Variants in BRINP2 observed in about 807,000 individuals in gnomAD.
The protein encoded by BRINP2 is BMP/retinoic acid inducible neural specific 2, also known as BMP/retinoic acid-inducible neural-specific protein 2.
In BRINP2, 21 loss-of-function variants were observed where a neutral mutation model predicts 69.2. The observed-to-expected ratio is 0.30, with a 90% CI of 0.22 to 0.44. The LOEUF is 0.44. BRINP2 is among the 20% of genes least tolerant of loss of function. The probability of loss-of-function intolerance (pLI) is 1.00; values close to 1 mark genes in which losing one functional copy is unlikely to be tolerated. For synonymous variants in BRINP2, 380 were observed against 394.1 expected (o/e 0.96, Z 0.42); for missense variants, 877 against 986.0 (o/e 0.89, Z 1.48).
At chr1:177,200,791 CA>C (rs1452809021) in intron 1 of BRINP2, among the ~76,000 whole-genome samples, 1 of 151,992 alleles carries the variant, frequency 6.6e-6, no homozygotes, top group Admixed American at 6.6e-5. Context: ...ACCTACCCAC[CA>C]GAAAGTAAGC....
At chr1:177,193,166 G>C (rs1648641837) in intron 1 of BRINP2, among the ~76,000 whole-genome samples, 2 of 152,166 alleles carry the variant, frequency 1.3e-5, no homozygotes, top group Admixed American at 6.5e-5. Flanking sequence ...CTTTCTATCT[G>C]TTTTAATGAT....
intron 1 of BRINP2, among the ~76,000 whole-genome samples, chr1:177,214,892 T>C (rs1649331905): frequency 6.6e-6 from 1 of 152,226 alleles, no homozygotes; most frequent in South Asian, 2.1e-4. Flanking sequence ...ACCTCAAATA[T>C]TTGACATTTT....
At chr1:177,197,627 T>C (rs979166672) in intron 1 of BRINP2, among the ~76,000 whole-genome samples, 4 of 152,106 alleles carry the variant, frequency 2.6e-5, no homozygotes, top group Admixed American at 2.0e-4. Flanking sequence ...CCTCTACAAC[T>C]GTGAGAAAAT....
chr1:177,214,444 G>A (rs1423391620), intron 1 of BRINP2, among the ~76,000 whole-genome samples: 1 of 152,098 alleles, frequency 6.6e-6, no homozygotes, highest in African/African-American at 2.4e-5. Context: ...GAAAAAAAAA[G>A]TTAAAGAGGA....
intron 2 of BRINP2, among the ~76,000 whole-genome samples, chr1:177,230,912 C>T (rs552782444): frequency 1.1e-4 from 16 of 152,216 alleles, no homozygotes; most frequent in African/African-American, 3.4e-4. Context: ...TTTCCCCTTA[C>T]TTGTATCTTT....
At chr1:177,257,043 G>T (rs918924254) in intron 3 of BRINP2, 133 bp from the exon 4 acceptor site, 4 of 1,551,678 alleles carry the variant, frequency 2.6e-6, no homozygotes, top group East Asian at 2.4e-5. Context: ...GGTAAGGGCT[G>T]GGGGAAGAGC....
intron 4 of BRINP2, among the ~76,000 whole-genome samples, chr1:177,265,815 C>T (rs1651099024): frequency 6.6e-6 from 1 of 151,990 alleles, no homozygotes; most frequent in Non-Finnish European, 1.5e-5. Flanking sequence ...TGAAGTTTTC[C>T]ATGAGGTTTA....
chr1:177,175,910 C>T (rs753302765), intron 1 of BRINP2, among the ~76,000 whole-genome samples: 1 of 152,144 alleles, frequency 6.6e-6, no homozygotes, highest in Non-Finnish European at 1.5e-5. Context: ...GAGATCTGGG[C>T]CCAAGGGCAT....
At chr1:177,211,397 A>T (rs761236107) in intron 1 of BRINP2, among the ~76,000 whole-genome samples, 7 of 152,202 alleles carry the variant, frequency 4.6e-5, no homozygotes, top group African/African-American at 7.2e-5. Context: ...ACCCAGTAAC[A>T]GCCTGTATGA....
chr1:177,238,820 T>C (rs1313061703), intron 2 of BRINP2, among the ~76,000 whole-genome samples: 1 of 152,272 alleles, frequency 6.6e-6, no homozygotes, highest in African/African-American at 2.4e-5. Flanking sequence ...CATTAATGAA[T>C]ACTAGTAGCT....
chr1:177,176,186 T>A (rs921910770), intron 1 of BRINP2, among the ~76,000 whole-genome samples: 1 of 152,122 alleles, frequency 6.6e-6, no homozygotes, highest in East Asian at 1.9e-4. Flanking sequence ...GAATTCTGGA[T>A]TGGGCAAAGG....
intron 2 of BRINP2, among the ~76,000 whole-genome samples, chr1:177,239,409 C>T (rs1024065320): frequency 2.0e-5 from 3 of 152,208 alleles, no homozygotes; most frequent in African/African-American, 7.2e-5. Context: ...AAATCGAATC[C>T]TCTCCTGGAG....
chr1:177,256,093 T>A lies in BRINP2; in HGVS notation c.444T>A (p.Leu148=), dbSNP rs763335458. Residue 148 remains leucine, a synonymous_variant, in exon 3 of 8, where the codon CTT becomes CTA. Transcript: ENST00000361539. Reference sequence around the variant, plus strand: ...AAAAGTACGGCACTCATTTCTTACTTTCTGCCACCCTTGGAGGTAAGCAAC... The same window carrying A: ...AAAAGTACGGCACTCATTTCTTACTATCTGCCACCCTTGGAGGTAAGCAAC... The part of the protein sequence containing the change: ...LIKKYGTHFL[L]SATLGGEESL... 5.0e-6 allele frequency: 8 copies of A among 1,614,078 alleles called. No individual in the cohort carries two copies. Among genetic ancestry groups the A allele is most frequent in the Non-Finnish European group, 6.8e-6 (8 of 1,179,940 alleles).
At chr1:177,257,735 C>T (rs1393854836) in intron 4 of BRINP2, among the ~76,000 whole-genome samples, 3 of 152,044 alleles carry the variant, frequency 2.0e-5, no homozygotes, top group Non-Finnish European at 2.9e-5. Context: ...TTTCCTGGGG[C>T]GTGGGGAGGG....
chr1:177,274,948 T>C (rs1394852279), intron 5 of BRINP2, among the ~76,000 whole-genome samples: 1 of 152,224 alleles, frequency 6.6e-6, no homozygotes, highest in Non-Finnish European at 1.5e-5. Context: ...GAGACTGGGA[T>C]ACATACTTTG....
chr1:177,193,417 G>T (rs1181835039), intron 1 of BRINP2, among the ~76,000 whole-genome samples: 1 of 152,178 alleles, frequency 6.6e-6, no homozygotes, highest in African/African-American at 2.4e-5. Context: ...GAAAGCAAAT[G>T]TCTGCCTTAT....
chr1:177,256,719 A>G, intron 3 of BRINP2: 1 of 1,080,600 alleles, frequency 9.3e-7, no homozygotes, highest in East Asian at 7.1e-5. Context: ...CCAATCGACT[A>G]AAACAAGCTC....
At chr1:177,203,720 A>G (rs1454846640) in intron 1 of BRINP2, among the ~76,000 whole-genome samples, 1 of 152,132 alleles carries the variant, frequency 6.6e-6, no homozygotes, top group Non-Finnish European at 1.5e-5. Context: ...ATTTAATATA[A>G]AAGATGCTAG....
chr1:177,238,992 A>T (rs1265552074), intron 2 of BRINP2, among the ~76,000 whole-genome samples: 1 of 152,226 alleles, frequency 6.6e-6, no homozygotes, highest in African/African-American at 2.4e-5. Context: ...TGATAAGAGG[A>T]AGAGCCAGCA....
Sources: allele counts gnomAD v4.1 joint callset (sites outside exome capture counted in the v4.1 genomes callset), GRCh38; gene constraint gnomAD v4.1.1; transcripts MANE v1.5; gene names NCBI Gene and HGNC (gene_info 2026-07-23, HGNC 2026-07-21).